The following SERGEF variants were observed in gnomAD, a reference collection of about 807,000 sequenced individuals.
SERGEF encodes secretion-regulating guanine nucleotide exchange factor.
Under a neutral mutation model 50.0 loss-of-function variants are expected in SERGEF, and 51 were observed. The observed-to-expected ratio is 1.02, with a 90% CI of 0.81 to 1.29. The LOEUF is 1.29. Among genes scored for constraint, SERGEF ranks in the 50% most tolerant of loss-of-function variants. SERGEF has a pLI of 0.00. For missense variants in SERGEF, 521 were observed against 557.0 expected, an observed-to-expected ratio of 0.94 and a Z score of 0.65; for synonymous variants, 205 against 212.4, an observed-to-expected ratio of 0.97 and a Z score of 0.30.
At chr11:17,918,386 G>T (rs1852086144) in intron 9 of SERGEF, among the ~76,000 whole-genome samples, 1 of 152,168 alleles carries the variant, frequency 6.6e-6, no homozygotes, top group African/African-American at 2.4e-5. Flanking sequence ...GCAGCTCCCT[G>T]CAGGGTCAAT....
At chr11:17,800,962 G>C (rs539853267) in intron 10 of SERGEF, among the ~76,000 whole-genome samples, 91 of 152,222 alleles carry the variant, frequency 6.0e-4, no homozygotes, top group Non-Finnish European at 9.7e-4. Flanking sequence ...TTGGGAGGCC[G>C]AGGCGGGTGG....
intron 10 of SERGEF, among the ~76,000 whole-genome samples, chr11:17,826,442 C>G (rs1407961606): frequency 6.6e-6 from 1 of 152,198 alleles, no homozygotes; most frequent in African/African-American, 2.4e-5. Flanking sequence ...TTCCAAGAGG[C>G]TCTTTTTAAC....
chr11:17,792,662 G>A (rs551445142), intron 10 of SERGEF, among the ~76,000 whole-genome samples: 11 of 152,302 alleles, frequency 7.2e-5, no homozygotes, highest in African/African-American at 2.4e-4. Context: ...TAGGTGCTCT[G>A]TGTACTTTAT....
intron 9 of SERGEF, among the ~76,000 whole-genome samples, chr11:17,911,371 T>A (rs1016384660): frequency 6.8e-6 from 1 of 147,202 alleles, no homozygotes; most frequent in Non-Finnish European, 1.5e-5. Context: ...TATATTAAAA[T>A]ATATATAAAA....
chr11:17,914,536 A>G (rs1852012954), intron 9 of SERGEF, among the ~76,000 whole-genome samples: 1 of 152,194 alleles, frequency 6.6e-6, no homozygotes, highest in South Asian at 2.1e-4. Flanking sequence ...CTCCAGCCTC[A>G]GCCTTCTGAG....
intron 9 of SERGEF, among the ~76,000 whole-genome samples, chr11:17,881,846 C>T (rs1341722084): frequency 6.6e-6 from 1 of 152,132 alleles, no homozygotes; most frequent in Non-Finnish European, 1.5e-5. Flanking sequence ...CTGACCATGT[C>T]ATGCCCATGT....
Position 17,884,986 on chromosome 11 carries a change from TAA to T in SERGEF, c.1012-6744_1012-6743del, listed in dbSNP as rs1851402031. ...GGCCAGCAAACCCGCTCAGAGCAGT[TAA>T]GTCACTGGTCCCAGGTCTGCTTTGG... On this transcript the variant is annotated intron_variant, in intron 9 of 10. Coordinates refer to ENST00000265965, the MANE Select transcript of SERGEF (RefSeq NM_012139.4). The surrounding 1 kb of genome is among the most constrained non-coding windows in gnomAD (Gnocchi z 4.6). 6.6e-6 allele frequency among the ~76,000 whole-genome samples: 1 copy of T among 152,150 alleles called. No homozygotes were observed. The highest frequency in any genetic ancestry group is 1.5e-5 in the Non-Finnish European group (1 of 68,014).
chr11:17,998,316 C>A (rs1187484631), intron 5 of SERGEF, among the ~76,000 whole-genome samples: 1 of 151,374 alleles, frequency 6.6e-6, no homozygotes, highest in Admixed American at 6.6e-5. Context: ...ACTTGGAAGG[C>A]AGAACCTAGA....
intron 6 of SERGEF, among the ~76,000 whole-genome samples, chr11:17,994,704 A>C (rs1853799568): frequency 6.6e-6 from 1 of 152,108 alleles, no homozygotes; most frequent in Non-Finnish European, 1.5e-5. Context: ...TACCTGTCCC[A>C]CATCCAATGC....
At chr11:17,877,658 A>G (rs1851262635) in intron 10 of SERGEF, among the ~76,000 whole-genome samples, 1 of 152,220 alleles carries the variant, frequency 6.6e-6, no homozygotes, top group African/African-American at 2.4e-5. Flanking sequence ...AGCCTTCTTG[A>G]ATGAATTACT....
Position 17,995,792 on chromosome 11 carries a change from T to C in SERGEF, c.622+4A>G. On this transcript the variant is annotated splice_donor_region_variant and intron_variant, in intron 6 of 10. Transcript: ENST00000265965. ...ATATAGGACTAAAGAAAGAAGCATC[T>C]TACCTGTCACTCTGCTTGGTTCCTT... 1 of 1,593,140 alleles carries C rather than the reference T, an allele frequency of 6.3e-7. No homozygotes were observed. Among genetic ancestry groups the C allele is most frequent in the Non-Finnish European group, 8.6e-7 (1 of 1,161,144 alleles).
At chr11:17,928,427 A>G (rs1852289766) in intron 9 of SERGEF, among the ~76,000 whole-genome samples, 1 of 152,286 alleles carries the variant, frequency 6.6e-6, no homozygotes, top group South Asian at 2.1e-4. Context: ...TGGAACCAGC[A>G]CAGACTGAAT....
chr11:18,003,761 C>CAAAT (rs1487061642), intron 4 of SERGEF, among the ~76,000 whole-genome samples: 2 of 152,030 alleles, frequency 1.3e-5, no homozygotes, highest in Non-Finnish European at 2.9e-5. Context: ...AAATAACAGG[C>CAAAT]AAATCTATAG....
At chr11:17,869,077 C>T (rs1408712214) in intron 10 of SERGEF, among the ~76,000 whole-genome samples, 1 of 152,138 alleles carries the variant, frequency 6.6e-6, no homozygotes, top group Non-Finnish European at 1.5e-5. Context: ...GTGTGAGCGA[C>T]TGACCCTGGC....
rs181030923 is a variant in SERGEF, at chr11:17,790,592, T to C, written c.1049-2179A>G. ...ACAACAATACTAATATGGTTGCTAT[T>C]ATAGACAGTATTGCAATGAAAGTCT... is the stretch of plus-strand genomic sequence containing the variant. On this transcript the variant is annotated intron_variant, in intron 10 of 10. Coordinates refer to ENST00000265965, the MANE Select transcript of SERGEF (RefSeq NM_012139.4). Among the ~76,000 whole-genome samples the C allele has an allele frequency of 4.6e-5, 7 of 152,338 alleles. No homozygotes were observed. In the East Asian group the frequency reaches 1.3e-3, roughly 29 times the overall value.
chr11:17,994,338 T>C (rs1160232880), intron 6 of SERGEF, among the ~76,000 whole-genome samples: 1 of 151,750 alleles, frequency 6.6e-6, no homozygotes, highest in Non-Finnish European at 1.5e-5. Context: ...TAGCCAGGCG[T>C]GGTGGCAGGC....
At chr11:17,885,573 C>T (rs1851414631) in intron 9 of SERGEF, among the ~76,000 whole-genome samples, 1 of 152,104 alleles carries the variant, frequency 6.6e-6, no homozygotes, top group Non-Finnish European at 1.5e-5. Flanking sequence ...ACCCTCCTCC[C>T]TCGGCCTCTC....
At chr11:17,935,125 A>C (rs987402259) in intron 9 of SERGEF, among the ~76,000 whole-genome samples, 2 of 152,160 alleles carry the variant, frequency 1.3e-5, no homozygotes, top group Non-Finnish European at 2.9e-5. Flanking sequence ...TTATATTTTT[A>C]TCTGTTTTAG....
At chr11:17,903,961 G>A (rs1026756927) in intron 9 of SERGEF, among the ~76,000 whole-genome samples, 9 of 152,246 alleles carry the variant, frequency 5.9e-5, no homozygotes, top group East Asian at 1.9e-4. Context: ...CACCTTGGCC[G>A]TGTAGGCCTT....
Sources: allele counts gnomAD v4.1 joint callset (sites outside exome capture counted in the v4.1 genomes callset), GRCh38; gene constraint gnomAD v4.1.1; non-coding constraint Gnocchi (gnomAD v3.1); transcripts MANE v1.5; gene names NCBI Gene and HGNC (gene_info 2026-07-23, HGNC 2026-07-21).